The following ACTR2 variants were observed in gnomAD, a reference collection of about 807,000 sequenced individuals.
ACTR2 encodes the protein actin-related protein 2.
Under a neutral mutation model 50.2 loss-of-function variants are expected in ACTR2, and 5 were observed. The observed-to-expected ratio is 0.10, with a 90% confidence interval of 0.05 to 0.21. The LOEUF is 0.21. Ranked by LOEUF, ACTR2 falls within the 10% of genes least tolerant of loss-of-function variation. ACTR2 has a pLI of 1.00. For synonymous variants in ACTR2, 140 were observed against 162.9 expected, an observed-to-expected ratio of 0.86 and a Z score of 1.07; for missense variants, 180 against 480.6, an observed-to-expected ratio of 0.37 and a Z score of 5.85.
intron 1 of ACTR2, 107 bp downstream of exon 1, chr2:65,228,064 G>A: frequency 8.9e-7 from 1 of 1,117,794 alleles, no homozygotes; most frequent in Non-Finnish European, 1.2e-6. Context: ...CCCTCGGGGC[G>A]AAGGGGCGCG....
chr2:65,264,938 A>G, intron 7 of ACTR2, 105 bp from the exon 8 acceptor site: 2 of 1,320,822 alleles, frequency 1.5e-6, no homozygotes, highest in Non-Finnish European at 1.1e-6. Flanking sequence ...GTGGAATTTT[A>G]TTTAATTCTC....
intron 6 of ACTR2, 102 bp downstream of exon 6, chr2:65,255,796 T>A: frequency 1.8e-6 from 2 of 1,104,212 alleles, no homozygotes; most frequent in Non-Finnish European, 2.6e-6. Context: ...ATTTTTGTCT[T>A]GGGTTGTTGT....
chr2:65,246,699 C>T lies in ACTR2; in HGVS notation c.335C>T (p.Pro112Leu). 6.2e-7 allele frequency: 1 copy of T among 1,612,768 alleles called. No individual in the cohort carries two copies. Among genetic ancestry groups the T allele is most frequent in the Non-Finnish European group, 8.5e-7 (1 of 1,179,610 alleles). Residue 112 changes from proline (P) to leucine (L), a missense_variant, in exon 3 of 9, where the codon CCT becomes CTT. Pro to Leu is a moderately conservative substitution (Grantham distance 98, BLOSUM62 -3). Coordinates refer to ENST00000260641, the MANE Select transcript of ACTR2 (RefSeq NM_005722.4). ...AATTGTAAAATCTTACTCACAGAAC[C>T]TCCTATGAACCCAACCAAAAACAGA... ...TRNCKILLTEPPMNPTKNREK... is the reference protein window; with the variant it reads ...TRNCKILLTELPMNPTKNREK...
intron 1 of ACTR2, among the ~76,000 whole-genome samples, chr2:65,229,585 G>A (rs1256243269): frequency 3.3e-5 from 5 of 151,568 alleles, no homozygotes; most frequent in South Asian, 2.1e-4. Flanking sequence ...GTGAAACCCC[G>A]TCTCTACTAA....
chr2:65,241,647 T>C (rs756904653), intron 2 of ACTR2, among the ~76,000 whole-genome samples: 37 of 152,158 alleles, frequency 2.4e-4, no homozygotes, highest in Admixed American at 1.6e-3. Flanking sequence ...AACCCTGAGC[T>C]ATCTAACACT....
intron 3 of ACTR2, among the ~76,000 whole-genome samples, chr2:65,250,625 A>G (rs578209557): frequency 1.5e-5 from 2 of 131,710 alleles, no homozygotes; most frequent in African/African-American, 5.5e-5. Flanking sequence ...GTGAGCCAAG[A>G]TTGCGCCACT....
At chr2:65,258,015 GC>G (rs1403746316) in intron 6 of ACTR2, among the ~76,000 whole-genome samples, 1 of 152,150 alleles carries the variant, frequency 6.6e-6, no homozygotes, top group African/African-American at 2.4e-5. Flanking sequence ...TGAAGTCTTT[GC>G]CCATGCCTAT....
chr2:65,248,286 G>A (rs1671977569), intron 3 of ACTR2, among the ~76,000 whole-genome samples: 1 of 152,164 alleles, frequency 6.6e-6, no homozygotes, highest in African/African-American at 2.4e-5. Flanking sequence ...TGTAATCCCA[G>A]CTACTTGGGA....
Position 65,264,962 on chromosome 2 carries a change from G to T in ACTR2, c.882-81G>T, listed in dbSNP as rs1016351194. The T allele has an allele frequency of 2.0e-6, 3 of 1,513,208 alleles. No homozygotes were observed. In the African/African-American group the frequency reaches 4.2e-5, roughly 21 times the overall value. The allele number at this position is 1,513,208 out of a possible 1,614,324, so 93.7% of individuals were successfully genotyped here. A position where few individuals can be genotyped will look rare whatever the true frequency, so the allele number is the denominator to read the frequency against. On this transcript the variant is annotated intron_variant, in intron 7 of 8. Coordinates refer to ENST00000260641, the MANE Select transcript of ACTR2 (RefSeq NM_005722.4). ...TATTTAATTCTCCCAGCAACCCCGAGGCTGACATAAGTAACAGTAACCCTG... is the reference window on the plus strand; with the variant it reads ...TATTTAATTCTCCCAGCAACCCCGATGCTGACATAAGTAACAGTAACCCTG...
At chr2:65,245,285 C>T (rs762242202) in intron 2 of ACTR2, among the ~76,000 whole-genome samples, 3 of 151,570 alleles carry the variant, frequency 2.0e-5, no homozygotes, top group African/African-American at 2.4e-5. Context: ...TTTGGGAGGC[C>T]GAGATGGGTG....
At chr2:65,261,149 G>T in intron 6 of ACTR2, 98 bp from the exon 7 acceptor site, 5 of 1,191,054 alleles carry the variant, frequency 4.2e-6, no homozygotes, top group Non-Finnish European at 5.9e-6. Context: ...AATGATTTTG[G>T]TTACAGAACA....
intron 1 of ACTR2, among the ~76,000 whole-genome samples, chr2:65,238,437 A>G (rs575915827): frequency 3.6e-4 from 55 of 151,946 alleles, no homozygotes; most frequent in African/African-American, 1.3e-3. Context: ...AGGCGGGCAG[A>G]TCACGAGGTC....
chr2:65,256,831 C>T (rs1222191301), intron 6 of ACTR2, among the ~76,000 whole-genome samples: 1 of 150,258 alleles, frequency 6.7e-6, no homozygotes, highest in Non-Finnish European at 1.5e-5. Flanking sequence ...GAGATCGTGC[C>T]ACTGCACTCC....
At chr2:65,228,601 C>T (rs1403099743) in intron 1 of ACTR2, among the ~76,000 whole-genome samples, 3 of 151,982 alleles carry the variant, frequency 2.0e-5, no homozygotes, top group Non-Finnish European at 4.4e-5. Context: ...CCCACGGAGA[C>T]CAGCATGTTC....
intron 1 of ACTR2, among the ~76,000 whole-genome samples, chr2:65,229,572 A>G (rs1241493483): frequency 6.6e-6 from 1 of 152,002 alleles, no homozygotes; most frequent in Non-Finnish European, 1.5e-5. Context: ...GCTGGCCAAC[A>G]TAGTGAAACC....
At chr2:65,243,154 C>T (rs1671873904) in intron 2 of ACTR2, among the ~76,000 whole-genome samples, 1 of 151,982 alleles carries the variant, frequency 6.6e-6, no homozygotes, top group South Asian at 2.1e-4. Flanking sequence ...TGGTGTGTGC[C>T]TGTAATTCCA....
At position 65,232,414 on chromosome 2, in the gene ACTR2, C is replaced by T. The variant is rs77581939; in HGVS notation, c.48+4457C>T. Among the ~76,000 whole-genome samples the T allele has an allele frequency of 4.6e-5, 7 of 152,282 alleles. No individual in the cohort carries two copies. In the East Asian group the frequency reaches 1.3e-3, roughly 29 times the overall value. ...GTTGATTGTGGCCTGCTTTATCGGG[C>T]TTATGCTACTTTATATGTTGAATTT... On this transcript the variant is annotated intron_variant, in intron 1 of 8. Coordinates refer to ENST00000260641, the MANE Select transcript of ACTR2 (RefSeq NM_005722.4).
chr2:65,229,343 G>C (rs936644922), intron 1 of ACTR2, among the ~76,000 whole-genome samples: 3 of 152,174 alleles, frequency 2.0e-5, no homozygotes, highest in African/African-American at 7.2e-5. Flanking sequence ...GGGGAAAAGA[G>C]CTGGTATTTA....
intron 4 of ACTR2, among the ~76,000 whole-genome samples, chr2:65,253,172 G>A (rs1672085287): frequency 1.3e-5 from 2 of 152,166 alleles, no homozygotes; most frequent in East Asian, 1.9e-4. Context: ...GGGTGTGGTG[G>A]CTCACGCCTG....
Sources: allele counts gnomAD v4.1 joint callset (sites outside exome capture counted in the v4.1 genomes callset), GRCh38; gene constraint gnomAD v4.1.1; transcripts MANE v1.5; gene names NCBI Gene and HGNC (gene_info 2026-07-23, HGNC 2026-07-21).